Variants in NEDD4L observed in about 807,000 individuals in gnomAD.
The protein encoded by NEDD4L is E3 ubiquitin-protein ligase NEDD4-like.
A neutral mutation model predicts 148.9 loss-of-function variants in NEDD4L; 54 were observed. That is an observed-to-expected ratio of 0.36 (90% CI 0.29 to 0.45). NEDD4L has a LOEUF of 0.45. Ranked by LOEUF, NEDD4L falls within the 20% of genes least tolerant of loss-of-function variation. The probability of loss-of-function intolerance (pLI) is 1.00; values close to 1 mark genes in which losing one functional copy is unlikely to be tolerated. For synonymous variants in NEDD4L, 433 were observed against 440.7 expected (o/e 0.98, Z 0.22); for missense variants, 856 against 1,233.8 (o/e 0.69, Z 4.59).
intron 19 of NEDD4L, among the ~76,000 whole-genome samples, chr18:58,362,808 G>T (rs1409762252): frequency 6.6e-6 from 1 of 152,218 alleles, no homozygotes; most frequent in East Asian, 1.9e-4. Context: ...GTTTGTGACG[G>T]GATGTACTGT....
intron 3 of NEDD4L, among the ~76,000 whole-genome samples, chr18:58,247,892 T>C (rs537379618): frequency 7.9e-5 from 12 of 152,326 alleles, no homozygotes; most frequent in East Asian, 1.9e-4. Context: ...TTATTTAGGA[T>C]TGAATTCACT....
chr18:58,369,718 A>T (rs995592363), intron 22 of NEDD4L, among the ~76,000 whole-genome samples: 2 of 152,162 alleles, frequency 1.3e-5, no homozygotes, highest in Non-Finnish European at 2.9e-5. Flanking sequence ...GAGGTGCGTG[A>T]TGCCTTTGGA....
chr18:58,175,500 T>C (rs1179045836), intron 2 of NEDD4L, among the ~76,000 whole-genome samples: 1 of 152,290 alleles, frequency 6.6e-6, no homozygotes, highest in Non-Finnish European at 1.5e-5. Context: ...GTCTGTGATC[T>C]GCAGGCTCTT....
At chr18:58,220,768 C>T (rs2043668534) in intron 2 of NEDD4L, among the ~76,000 whole-genome samples, 1 of 152,096 alleles carries the variant, frequency 6.6e-6, no homozygotes, top group Non-Finnish European at 1.5e-5. Flanking sequence ...GTGACTTCTT[C>T]CAGCAAGAGG....
chr18:58,312,006 G>A (rs79268501), intron 5 of NEDD4L, among the ~76,000 whole-genome samples: 2,434 of 152,314 alleles, frequency 0.016, 28 homozygotes, highest in Middle Eastern at 0.027. Flanking sequence ...TTAAATGGGA[G>A]GGTGGCAGTC....
chr18:58,380,297 TTTA>T, intron 24 of NEDD4L, among the ~76,000 whole-genome samples: 1 of 57,784 alleles, frequency 1.7e-5, no homozygotes. Flanking sequence ...TCTTTTTTAT[TTTA>T]TTTATTTATT....
chr18:58,157,468 A>G (rs2035645991), intron 1 of NEDD4L, among the ~76,000 whole-genome samples: 1 of 151,888 alleles, frequency 6.6e-6, no homozygotes. Flanking sequence ...ATATTCGTAC[A>G]CACACACACA....
chr18:58,169,988 T>C (rs1009362829), intron 2 of NEDD4L, among the ~76,000 whole-genome samples: 1 of 152,260 alleles, frequency 6.6e-6, no homozygotes, highest in Non-Finnish European at 1.5e-5. Context: ...ACTAGGATTC[T>C]ATTTTATTTA....
intron 1 of NEDD4L, among the ~76,000 whole-genome samples, chr18:58,115,700 C>G (rs503310): frequency 0.64 from 96,902 of 151,990 alleles, 31,446 homozygotes; most frequent in African/African-American, 0.75. Context: ...TGTGCATCCT[C>G]TCTTGTGTTG....
chr18:58,377,476 G>A (rs2047716217), intron 24 of NEDD4L, among the ~76,000 whole-genome samples: 1 of 152,116 alleles, frequency 6.6e-6, no homozygotes, highest in Non-Finnish European at 1.5e-5. Context: ...TGCAGCTGTT[G>A]CCATTATTTT....
chr18:58,193,372 A>AC (rs2040320794), intron 2 of NEDD4L, among the ~76,000 whole-genome samples: 2 of 152,258 alleles, frequency 1.3e-5, no homozygotes, highest in South Asian at 4.2e-4. Flanking sequence ...TAAAAGAGGC[A>AC]CCCTCTCCTG....
intron 19 of NEDD4L, among the ~76,000 whole-genome samples, chr18:58,359,466 T>C (rs1433178181): frequency 6.6e-6 from 1 of 152,204 alleles, no homozygotes; most frequent in African/African-American, 2.4e-5. Flanking sequence ...CCACTCCCAT[T>C]TGCCACGTCA....
At chr18:58,046,565 T>C (rs1037538917) in intron 1 of NEDD4L, 2 of 152,258 alleles carry the variant, frequency 1.3e-5, no homozygotes, top group African/African-American at 2.4e-5. Context: ...CTGTTGTTTG[T>C]GCTTTATTTA....
intron 11 of NEDD4L, 74 bp downstream of exon 11, chr18:58,330,988 T>TA: frequency 6.8e-7 from 1 of 1,473,188 alleles, no homozygotes; most frequent in Non-Finnish European, 9.4e-7. Flanking sequence ...GAGAATCTCT[T>TA]ACGTAAATAG....
intron 13 of NEDD4L, among the ~76,000 whole-genome samples, chr18:58,338,436 A>T (rs2042034828): frequency 6.6e-6 from 1 of 152,246 alleles, no homozygotes; most frequent in Non-Finnish European, 1.5e-5. Flanking sequence ...CTATGTGGTC[A>T]TTTGGAGAGA....
At chr18:58,045,066 C>G in intron 1 of NEDD4L, 1 of 407,422 alleles carries the variant, frequency 2.5e-6, no homozygotes, top group Non-Finnish European at 4.3e-6. Flanking sequence ...CCTCTCGCCC[C>G]TGCAGCCCGG....
chr18:58,220,074 A>G (rs1371414325), intron 2 of NEDD4L, among the ~76,000 whole-genome samples: 2 of 152,216 alleles, frequency 1.3e-5, no homozygotes, highest in East Asian at 1.9e-4. Flanking sequence ...TGTATCCTCA[A>G]CTGCTGAAGA....
intron 1 of NEDD4L, among the ~76,000 whole-genome samples, chr18:58,071,064 T>G (rs1410825789): frequency 1.3e-5 from 2 of 152,136 alleles, no homozygotes; most frequent in Non-Finnish European, 2.9e-5. Context: ...ACACCTCGGT[T>G]TCTGCCTAGT....
intron 1 of NEDD4L, among the ~76,000 whole-genome samples, chr18:58,095,766 C>G (rs1435726528): frequency 6.6e-6 from 1 of 152,170 alleles, no homozygotes; most frequent in Non-Finnish European, 1.5e-5. Flanking sequence ...AAAAGGTTTG[C>G]CTATATACTT....
Sources: allele counts gnomAD v4.1 joint callset (sites outside exome capture counted in the v4.1 genomes callset), GRCh38; gene constraint gnomAD v4.1.1; transcripts MANE v1.5; gene names NCBI Gene and HGNC (gene_info 2026-07-23, HGNC 2026-07-21).